Variants in HMGCLL1 observed in about 807,000 individuals in gnomAD.
HMGCLL1 encodes the protein 3-hydroxy-3-methylglutaryl-CoA lyase like 1, also known as 3-hydroxymethyl-3-methylglutaryl-CoA lyase, cytoplasmic.
In HMGCLL1, 36 loss-of-function variants were observed where a neutral mutation model predicts 39.1. That is an observed-to-expected ratio of 0.92 (90% CI 0.71 to 1.22). The LOEUF is 1.22. Ranked by LOEUF, HMGCLL1 falls within the 50% of genes most tolerant of loss-of-function variation. The pLI is 0.00. For synonymous variants in HMGCLL1, 149 were observed against 144.0 expected, an observed-to-expected ratio of 1.03 and a Z score of -0.25; for missense variants, 451 against 416.5, an observed-to-expected ratio of 1.08 and a Z score of -0.72.
At chr6:55,563,733 G>C in intron 1 of HMGCLL1, 1 of 470,996 alleles carries the variant, frequency 2.1e-6, no homozygotes, top group Non-Finnish European at 3.6e-6. Flanking sequence ...AGCTAAATAA[G>C]AGTTCATACA....
At chr6:55,541,528 C>T (rs1335805959) in intron 3 of HMGCLL1, among the ~76,000 whole-genome samples, 1 of 152,144 alleles carries the variant, frequency 6.6e-6, no homozygotes, top group African/African-American at 2.4e-5. Context: ...ACCATACTCA[C>T]ACAGGCTTAG....
At chr6:55,582,869 A>G (rs1162497258), upstream of HMGCLL1, among the ~76,000 whole-genome samples, 1 of 152,110 alleles carries the variant, frequency 6.6e-6, no homozygotes, top group Non-Finnish European at 1.5e-5. Flanking sequence ...GTATATATGT[A>G]TACATATATG....
the HMGCLL1 span, among the ~76,000 whole-genome samples, chr6:55,640,537 G>A: frequency 6.6e-6 from 1 of 151,630 alleles, no homozygotes; most frequent in African/African-American, 2.4e-5. Flanking sequence ...ACATAAAAAT[G>A]TAAAACCTCA....
chr6:55,539,296 C>A (rs1769209671), intron 3 of HMGCLL1, among the ~76,000 whole-genome samples: 1 of 152,044 alleles, frequency 6.6e-6, no homozygotes, highest in African/African-American at 2.4e-5. Context: ...ACTTTTTGAC[C>A]TAAAGACAGA....
At chr6:55,602,354 A>G in the HMGCLL1 span, among the ~76,000 whole-genome samples, 1 of 152,114 alleles carries the variant, frequency 6.6e-6, no homozygotes, top group South Asian at 2.1e-4. Flanking sequence ...GACAAAAAAT[A>G]TAATACAATC....
At chr6:55,517,987 C>G (rs1767832504) in intron 3 of HMGCLL1, among the ~76,000 whole-genome samples, 1 of 152,086 alleles carries the variant, frequency 6.6e-6, no homozygotes, top group East Asian at 1.9e-4. Context: ...TATCCCCTGC[C>G]TCACCAATTC....
chr6:55,487,625 C>T (rs1766099651), intron 7 of HMGCLL1, among the ~76,000 whole-genome samples: 2 of 152,150 alleles, frequency 1.3e-5, no homozygotes, highest in South Asian at 4.1e-4. Flanking sequence ...AGGACATGAA[C>T]TCATGCTTTT....
At chr6:55,460,667 A>G (rs1158970367) in intron 7 of HMGCLL1, among the ~76,000 whole-genome samples, 1 of 151,932 alleles carries the variant, frequency 6.6e-6, no homozygotes, top group African/African-American at 2.4e-5. Context: ...CACATGCTTA[A>G]AATTGTATAT....
chr6:55,509,423 C>T (rs1767326485), intron 5 of HMGCLL1, among the ~76,000 whole-genome samples: 1 of 151,820 alleles, frequency 6.6e-6, no homozygotes, highest in Admixed American at 6.6e-5. Flanking sequence ...CTCAACAAGA[C>T]TGCTATTATC....
At chr6:55,536,214 T>A (rs1769014198) in intron 3 of HMGCLL1, among the ~76,000 whole-genome samples, 1 of 152,210 alleles carries the variant, frequency 6.6e-6, no homozygotes, top group Non-Finnish European at 1.5e-5. Flanking sequence ...CATTTCTTTC[T>A]ACTTTTATTA....
chr6:55,543,161 A>ATAT (rs1769610015), intron 1 of HMGCLL1, among the ~76,000 whole-genome samples: 1 of 5,136 alleles, frequency 1.9e-4, no homozygotes, highest in African/African-American at 3.7e-4. Context: ...TATATATTAT[A>ATAT]TATATAATAT....
chr6:55,542,926 T>C (rs2127457827), intron 1 of HMGCLL1, among the ~76,000 whole-genome samples: 1 of 129,014 alleles, frequency 7.8e-6, no homozygotes, highest in South Asian at 2.3e-4. Flanking sequence ...TAGATTGTTA[T>C]TATATTACTA....
chr6:55,541,827 G>A lies in HMGCLL1; in HGVS notation c.199C>T (p.Pro67Ser), dbSNP rs772259012. Residue 67 changes from proline to serine, a missense_variant, in exon 3 of 9, where the codon CCT (proline) becomes TCT (serine). Pro to Ser is a moderately conservative substitution (Grantham distance 74, BLOSUM62 -1). Transcript: ENST00000274901. ...DGLQNEKVIVPTDIKIEFINR... is the reference protein window; with the variant it reads ...DGLQNEKVIVSTDIKIEFINR... ...ATAAATTCAATTTTTATATCTGTAG[G>A]AACTATAACCTATGAAAACAAAAAA... The A allele has an allele frequency of 6.3e-7, 1 of 1,581,046 alleles. No homozygotes were observed. The highest frequency in any genetic ancestry group is 1.1e-5 in the South Asian group (1 of 88,342).
At chr6:55,640,692 C>T in the HMGCLL1 span, among the ~76,000 whole-genome samples, 1 of 151,530 alleles carries the variant, frequency 6.6e-6, no homozygotes, top group Non-Finnish European at 1.5e-5. Flanking sequence ...TTCTTTAAAA[C>T]ATTATCACAT....
chr6:55,569,185 C>G (rs2127475021), intron 1 of HMGCLL1, among the ~76,000 whole-genome samples: 1 of 152,224 alleles, frequency 6.6e-6, no homozygotes, highest in South Asian at 2.1e-4. Context: ...AGGCAGAACT[C>G]TAGTCTCAAC....
At chr6:55,581,612 A>G (rs1771988028), upstream of HMGCLL1, among the ~76,000 whole-genome samples, 1 of 152,010 alleles carries the variant, frequency 6.6e-6, no homozygotes, top group South Asian at 2.1e-4. Context: ...CCCTGTTCTA[A>G]AAAGCTCTAG....
chr6:55,499,239 T>C lies in HMGCLL1; in HGVS notation c.603A>G (p.Thr201=). 1 of 1,608,532 alleles carries C rather than the reference T, an allele frequency of 6.2e-7. No individual in the cohort carries two copies. Among genetic ancestry groups the C allele is most frequent in the Non-Finnish European group, 8.5e-7 (1 of 1,177,366 alleles). Residue 201 remains threonine, a synonymous_variant, in exon 6 of 9, where the codon ACA becomes ACG. Transcript: ENST00000274901. The stretch of plus-strand genomic sequence containing the variant: ...AAAAGCTGAAGATGTAGCTTACTTC[T>C]GTCACTTTTTGCGGTGTAATACTTC... ...YEGSITPQKV[T]EVSKRLYGMG...
the HMGCLL1 span, among the ~76,000 whole-genome samples, chr6:55,620,129 A>T: frequency 1.3e-5 from 2 of 152,282 alleles, no homozygotes; most frequent in East Asian, 3.9e-4. Flanking sequence ...AGCATTGTGA[A>T]TAGTGCTGCA....
intron 7 of HMGCLL1, among the ~76,000 whole-genome samples, chr6:55,453,442 C>A (rs1281110860): frequency 6.6e-6 from 1 of 152,110 alleles, no homozygotes; most frequent in African/African-American, 2.4e-5. Context: ...GGATTACAGG[C>A]GTGAGCCACC....
Sources: allele counts gnomAD v4.1 joint callset (sites outside exome capture counted in the v4.1 genomes callset), GRCh38; gene constraint gnomAD v4.1.1; transcripts MANE v1.5; gene names NCBI Gene and HGNC (gene_info 2026-07-23, HGNC 2026-07-21).